Variants in METTL16 observed in about 807,000 individuals in gnomAD.
METTL16 encodes the protein methyltransferase 16, RNA N6-adenosine.
In METTL16, 19 loss-of-function variants were observed where a neutral mutation model predicts 57.9. That is an observed-to-expected ratio of 0.33 (90% CI 0.23 to 0.48). The LOEUF (loss-of-function observed/expected upper bound fraction) is 0.48. METTL16 is among the 20% of genes least tolerant of loss of function. METTL16 has a pLI of 0.99. For missense variants in METTL16, 434 were observed against 691.5 expected, an observed-to-expected ratio of 0.63 and a Z score of 4.18; for synonymous variants, 246 against 255.6, an observed-to-expected ratio of 0.96 and a Z score of 0.36.
chr17:2,433,402 T>TC (rs1246305512), intron 8 of METTL16, among the ~76,000 whole-genome samples: 2 of 151,774 alleles, frequency 1.3e-5, no homozygotes, highest in African/African-American at 4.9e-5. Context: ...AGGTGGCCAC[T>TC]CAGGAGTGGG....
chr17:2,447,925 CA>C, intron 6 of METTL16, among the ~76,000 whole-genome samples: 2 of 113,808 alleles, frequency 1.8e-5, no homozygotes, highest in African/African-American at 4.0e-5. Flanking sequence ...CCCGCCCGGC[CA>C]GCCGCCCCGT....
chr17:2,434,752 T>A (rs999048487), intron 8 of METTL16, among the ~76,000 whole-genome samples: 3 of 152,118 alleles, frequency 2.0e-5, no homozygotes, highest in African/African-American at 7.2e-5. Context: ...GCCTAATTAA[T>A]TTGACACCTC....
At chr17:2,497,415 C>T (rs1165447891) in intron 2 of METTL16, among the ~76,000 whole-genome samples, 1 of 141,088 alleles carries the variant, frequency 7.1e-6, no homozygotes, top group Non-Finnish European at 1.5e-5. Flanking sequence ...CAAGCTCAAG[C>T]GATTCTCGTG....
chr17:2,478,821 C>A (rs1039983275), intron 2 of METTL16, among the ~76,000 whole-genome samples: 1 of 152,140 alleles, frequency 6.6e-6, no homozygotes, highest in South Asian at 2.1e-4. Flanking sequence ...TTTTTATGGG[C>A]GAATAATGTT....
intron 2 of METTL16, among the ~76,000 whole-genome samples, chr17:2,497,455 G>A (rs917321016): frequency 6.6e-6 from 1 of 150,980 alleles, no homozygotes; most frequent in South Asian, 2.1e-4. Context: ...TGAGATTACA[G>A]GCATATGCCA....
intron 6 of METTL16, among the ~76,000 whole-genome samples, chr17:2,459,372 A>C (rs1247557463): frequency 2.0e-5 from 3 of 152,304 alleles, no homozygotes; most frequent in African/African-American, 7.2e-5. Context: ...CAGCTGCAAA[A>C]TTCCTTAAGA....
chr17:2,416,182 C>G lies in METTL16; in HGVS notation c.*3788G>C, dbSNP rs867049331. 6.6e-6 allele frequency: 1 copy of G among 152,152 alleles called. No homozygotes were observed. The highest frequency in any genetic ancestry group is 1.5e-5 in the Non-Finnish European group (1 of 68,034). The allele number at this position is 152,152 out of a possible 1,614,324, so 9.4% of individuals were successfully genotyped here. ...GTGGACAGACTTGTCTCCATTCCCA[C>G]GGGGAAGTGAAGGCGCTTTGATAAA... On this transcript the variant is annotated 3_prime_UTR_variant, in exon 10 of 10. Coordinates refer to ENST00000263092, the MANE Select transcript of METTL16 (RefSeq NM_024086.4).
At chr17:2,428,927 C>T (rs2066847436) in intron 8 of METTL16, among the ~76,000 whole-genome samples, 1 of 151,672 alleles carries the variant, frequency 6.6e-6, no homozygotes, top group Admixed American at 6.6e-5. Context: ...GGCACAATCT[C>T]GGCTCACCGC....
chr17:2,437,945 C>A (rs769419340), intron 8 of METTL16, among the ~76,000 whole-genome samples, 164 bp downstream of exon 8: 1 of 152,218 alleles, frequency 6.6e-6, no homozygotes, highest in Non-Finnish European at 1.5e-5. Context: ...TCTCCAGGAC[C>A]AGCCTTCTAG....
At chr17:2,446,861 A>G (rs1357524143) in intron 6 of METTL16, among the ~76,000 whole-genome samples, 2 of 151,678 alleles carry the variant, frequency 1.3e-5, no homozygotes, top group Admixed American at 6.6e-5. Flanking sequence ...GGGATTGCGG[A>G]TGGAGTCTCG....
chr17:2,450,353 A>G (rs926555931), intron 6 of METTL16, among the ~76,000 whole-genome samples: 1 of 152,200 alleles, frequency 6.6e-6, no homozygotes, highest in Non-Finnish European at 1.5e-5. Flanking sequence ...ATCAAAACCT[A>G]CATTTTCTAT....
chr17:2,494,232 G>C (rs893876147), intron 2 of METTL16, among the ~76,000 whole-genome samples: 14 of 152,010 alleles, frequency 9.2e-5, no homozygotes, highest in Admixed American at 8.5e-4. Flanking sequence ...ATGTTGGCCA[G>C]GCTGGTCTCA....
Position 2,473,602 on chromosome 17 carries a change from C to T in METTL16, c.391G>A (p.Ala131Thr). The change falls in exon 4 of 10, where the codon GCA becomes ACA. Residue 131 changes from alanine (A) to threonine (T), a missense_variant. This residue lies in a region of METTL16 where 118 missense variants were observed against 280.0 expected (regional missense o/e 0.42). Transcript: ENST00000263092. ...GATLNGWYFL[A>T]TEVDDMCFNY... ...AAACACATATCATCCACTTCTGTTG[C>T]GAGGAAATACCAGCCATTCAAGGTT... is the stretch of plus-strand genomic sequence containing the variant. 4 of 1,614,054 alleles carry T rather than the reference C, an allele frequency of 2.5e-6. No homozygotes were observed. The highest frequency in any genetic ancestry group is 1.7e-6 in the Non-Finnish European group (2 of 1,179,984).
At chr17:2,437,275 GT>G (rs1352406658) in intron 8 of METTL16, among the ~76,000 whole-genome samples, 1 of 152,082 alleles carries the variant, frequency 6.6e-6, no homozygotes, top group Non-Finnish European at 1.5e-5. Flanking sequence ...TTCAAAAATG[GT>G]TAAGATTCTA....
intron 2 of METTL16, among the ~76,000 whole-genome samples, chr17:2,497,305 CTTTT>C (rs781130501): frequency 4.7e-5 from 3 of 63,788 alleles, no homozygotes; most frequent in African/African-American, 1.4e-4. Context: ...TGCACCCGGC[CTTTT>C]TTTTTTTTTT....
chr17:2,494,849 AC>A (rs1567905443), intron 2 of METTL16, among the ~76,000 whole-genome samples: 1 of 151,968 alleles, frequency 6.6e-6, no homozygotes, highest in Non-Finnish European at 1.5e-5. Context: ...ATACAAAAAA[AC>A]AGCCAGGCAT....
At position 2,420,204 on chromosome 17, in the gene METTL16, G is replaced by A. The variant is rs1293329774; in HGVS notation, c.1455C>T (p.Asn485=). The change falls in exon 10 of 10, where the codon AAC becomes AAT. Residue 485 remains asparagine (N), a synonymous_variant. Coordinates refer to ENST00000263092, the MANE Select transcript of METTL16 (RefSeq NM_024086.4). The surrounding 1 kb of genome is among the most constrained non-coding windows in gnomAD (Gnocchi z 5.4). ...EVLESCQGSS[N]GAQDQEASEQ... ...CAGAAGCCTCTTGGTCCTGGGCTCCGTTGCTAGAGCCTTGACAACTTTCCA... is the reference window on the plus strand; with the variant it reads ...CAGAAGCCTCTTGGTCCTGGGCTCCATTGCTAGAGCCTTGACAACTTTCCA... The A allele has an allele frequency of 4.3e-6, 7 of 1,614,090 alleles. No individual in the cohort carries two copies. The highest frequency in any genetic ancestry group is 1.1e-5 in the South Asian group (1 of 91,094).
intron 8 of METTL16, among the ~76,000 whole-genome samples, chr17:2,428,094 C>A (rs1285541461): frequency 6.6e-6 from 1 of 151,930 alleles, no homozygotes; most frequent in Non-Finnish European, 1.5e-5. Context: ...TCAACAAGAA[C>A]TTGCAACATA....
rs376112549 is a variant in METTL16, at chr17:2,428,602, T to TATATATATATAA, written c.889-7699_889-7698insTTATATATATAT. ...ATATATATATATATATATATATATATAAATTGTAATACAGCGGGGCACAGT... is the reference window on the plus strand; with the variant it reads ...ATATATATATATATATATATATATATATATATATATAAAAATTGTAATACAGCGGGGCACAGT... On this transcript the variant is annotated intron_variant, in intron 8 of 9. Transcript: ENST00000263092. 1.5e-4 allele frequency among the ~76,000 whole-genome samples: 14 copies of TATATATATATAA among 94,968 alleles called. 2 individuals carry two copies. Among genetic ancestry groups the TATATATATATAA allele is most frequent in the African/African-American group, 6.5e-4 (14 of 21,418 alleles). The allele number at this position is 94,968 out of a possible 152,430, so 62.3% of individuals were successfully genotyped here. A position where few individuals can be genotyped will look rare whatever the true frequency, so the allele number is the denominator to read the frequency against.
Sources: allele counts gnomAD v4.1 joint callset (sites outside exome capture counted in the v4.1 genomes callset), GRCh38; gene constraint gnomAD v4.1.1; regional missense constraint gnomAD v4.1.1; non-coding constraint Gnocchi (gnomAD v3.1); transcripts MANE v1.5; gene names NCBI Gene and HGNC (gene_info 2026-07-23, HGNC 2026-07-21).